BAZ2B: variants seen among roughly 807,000 people sequenced by gnomAD.
BAZ2B encodes the protein bromodomain adjacent to zinc finger domain protein 2B.
Under a neutral mutation model 246.0 loss-of-function variants are expected in BAZ2B, and 91 were observed. The ratio of observed to expected loss-of-function variants is 0.37; its 90% confidence interval spans 0.31 to 0.44. The LOEUF (loss-of-function observed/expected upper bound fraction) is 0.44, where lower values mean the gene tolerates loss of function less well. Ranked by LOEUF, BAZ2B falls within the 20% of genes least tolerant of loss-of-function variation. BAZ2B has a pLI of 1.00. For synonymous variants in BAZ2B, 855 were observed against 860.0 expected (o/e 0.99, Z 0.10); for missense variants, 2,332 against 2,533.7 (o/e 0.92, Z 1.71).
intron 27 of BAZ2B, among the ~76,000 whole-genome samples, chr2:159,367,184 A>G (rs1171223955): frequency 3.3e-5 from 5 of 152,208 alleles, no homozygotes. Flanking sequence ...GACTTGGACT[A>G]ACCTCGAAAT....
chr2:159,383,722 T>C (rs2062279198), intron 23 of BAZ2B, 42 bp from the exon 24 acceptor site: 8 of 1,507,700 alleles, frequency 5.3e-6, no homozygotes, highest in Non-Finnish European at 7.3e-6. Flanking sequence ...AATTAATCAA[T>C]TTATGCAATG....
chr2:159,337,372 C>A lies in BAZ2B; in HGVS notation c.5660+195G>T, dbSNP rs1217478973. 8.8e-6 allele frequency: 12 copies of A among 1,357,756 alleles called. No homozygotes were observed. In the South Asian group the frequency reaches 1.6e-4, roughly 18 times the overall value. The allele number at this position is 1,357,756 out of a possible 1,614,324, so 84.1% of individuals were successfully genotyped here. On this transcript the variant is annotated intron_variant, in intron 32 of 36. Transcript: ENST00000392783. ...ATGATCCGTATGGATCACAGACATA[C>A]AAGAAGATACATAGATAACAGGCAA... is the stretch of plus-strand genomic sequence containing the variant.
the BAZ2B span, among the ~76,000 whole-genome samples, chr2:159,653,414 C>T: frequency 6.6e-6 from 1 of 152,106 alleles, no homozygotes; most frequent in Admixed American, 6.6e-5. Flanking sequence ...TATACCCAAC[C>T]TCACATATGC....
chr2:159,432,991 A>G lies in BAZ2B; in HGVS notation c.1666T>C (p.Ser556Pro), dbSNP rs370624780. 10 of 1,614,064 alleles carry G rather than the reference A, an allele frequency of 6.2e-6. No homozygotes were observed. The African/African-American group carries it at 1.1e-4, about 17-fold the overall frequency. The change falls in exon 9 of 37, where the codon TCT becomes CCT. Residue 556 changes from serine to proline, a missense_variant. Physicochemically the swap from Ser to Pro is moderately conservative, Grantham distance 74 (BLOSUM62 -1). Coordinates refer to ENST00000392783, the MANE Select transcript of BAZ2B (RefSeq NM_013450.4). The part of the protein sequence containing the change: ...GNQTPVMPSA[S>P]PILHSQGKEK... ...TTCCCTTGACTATGCAGGATGGGAGAGGCAGAGGGCATTACAGGTGTCTGA... is the reference window on the plus strand; with the variant it reads ...TTCCCTTGACTATGCAGGATGGGAGGGGCAGAGGGCATTACAGGTGTCTGA...
chr2:159,350,434 T>C (rs2058429032), intron 27 of BAZ2B, 77 bp from the exon 28 acceptor site: 2 of 1,274,646 alleles, frequency 1.6e-6, no homozygotes, highest in South Asian at 1.7e-5. Context: ...CATTACTCTT[T>C]ATCAAATTAT....
chr2:159,522,609 C>A (rs1289187870), intron 2 of BAZ2B, among the ~76,000 whole-genome samples: 2 of 152,150 alleles, frequency 1.3e-5, no homozygotes, highest in Admixed American at 6.6e-5. Context: ...AACAATTAGA[C>A]GTTCCTTATT....
intron 8 of BAZ2B, among the ~76,000 whole-genome samples, chr2:159,436,322 G>T (rs183247791): frequency 8.5e-4 from 130 of 152,246 alleles, no homozygotes; most frequent in African/African-American, 2.8e-3. Context: ...AATAGCCAAA[G>T]ATTTCTATAT....
At chr2:159,656,361 T>A in the BAZ2B span, among the ~76,000 whole-genome samples, 1 of 152,110 alleles carries the variant, frequency 6.6e-6, no homozygotes, top group African/African-American at 2.4e-5. Context: ...ACAGATTACA[T>A]TGGGGGTATG....
At position 159,400,610 on chromosome 2, in the gene BAZ2B, G is replaced by A. The variant is rs1346286276; in HGVS notation, c.2887C>T (p.Gln963Ter). Residue 963 changes from glutamine to a stop codon, truncating the protein, a stop_gained, in exon 17 of 37, where the codon CAA becomes TAA. Transcript: ENST00000392783. LOFTEE classifies it high-confidence loss of function. ...TTTAAGACTTCTACCTCTAGAATTTGCTGAGCTCGAAGTTCTTTTTCCATT... is the reference window on the plus strand; with the variant it reads ...TTTAAGACTTCTACCTCTAGAATTTACTGAGCTCGAAGTTCTTTTTCCATT... The part of the protein sequence containing the change: ...IRMEKELRAQ[Q>*]ILEAKKKKKE... The A allele has an allele frequency of 6.4e-7, 1 of 1,566,736 alleles. No homozygotes were observed. Among genetic ancestry groups the A allele is most frequent in the Non-Finnish European group, 8.7e-7 (1 of 1,144,854 alleles).
At chr2:159,346,426 C>T (rs1428298122) in intron 31 of BAZ2B, among the ~76,000 whole-genome samples, 1 of 152,108 alleles carries the variant, frequency 6.6e-6, no homozygotes, top group South Asian at 2.1e-4. Flanking sequence ...AGATTCTAGC[C>T]AGGCACAGTG....
At chr2:159,474,954 G>C (rs1471340377) in intron 3 of BAZ2B, among the ~76,000 whole-genome samples, 1 of 152,120 alleles carries the variant, frequency 6.6e-6, no homozygotes, top group African/African-American at 2.4e-5. Flanking sequence ...TCCCTTTGTG[G>C]GTAACCCGAC....
chr2:159,628,337 A>G, the BAZ2B span, among the ~76,000 whole-genome samples: 2 of 152,232 alleles, frequency 1.3e-5, no homozygotes, highest in Admixed American at 1.3e-4. Context: ...TTCATATGGA[A>G]CCAAAAATGA....
chr2:159,438,800 T>C, intron 7 of BAZ2B, 105 bp from the exon 8 acceptor site: 1 of 1,337,312 alleles, frequency 7.5e-7, no homozygotes, highest in South Asian at 1.4e-5. Context: ...GTGTTCTTAA[T>C]GCCTTATGAT....
In BAZ2B at chr2:159,349,298, T is replaced by G; in HGVS notation, c.4864-18A>C. On this transcript the variant is annotated intron_variant, in intron 28 of 36. Transcript: ENST00000392783. ...CCTTTCACCTGCAAAAAGAAAACAT[T>G]TATTAATGAAAAGTAGATTACTCTA... 6.4e-7 allele frequency: 1 copy of G among 1,567,976 alleles called. No individual in the cohort carries two copies. Among genetic ancestry groups the G allele is most frequent in the South Asian group, 1.2e-5 (1 of 83,352 alleles).
chr2:159,412,400 T>C lies in BAZ2B; in HGVS notation c.2612A>G (p.Asn871Ser). 3.1e-6 allele frequency: 5 copies of C among 1,614,128 alleles called. No individual in the cohort carries two copies. Among genetic ancestry groups the C allele is most frequent in the African/African-American group, 1.3e-5 (1 of 75,044 alleles). The change falls in exon 14 of 37, where the codon AAT becomes AGT. Residue 871 changes from asparagine to serine, a missense_variant. This residue lies in a region of BAZ2B where 651 missense variants were observed against 650.9 expected (regional missense o/e 1.00). Coordinates refer to ENST00000392783, the MANE Select transcript of BAZ2B (RefSeq NM_013450.4). The stretch of plus-strand genomic sequence containing the variant: ...ATCTAGGAATTCAGCATTGCCAACA[T>C]TTGGAGGTCGACCTTTCCGACGTCT... ...RMRRRKGRPP[N>S]VGNAEFLDNA...
At chr2:159,385,449 T>C (rs1576390102) in intron 22 of BAZ2B, 80 bp from the exon 23 acceptor site, 1 of 1,291,626 alleles carries the variant, frequency 7.7e-7, no homozygotes, top group South Asian at 1.4e-5. Flanking sequence ...AATCCTCATA[T>C]TATTTGATTT....
chr2:159,425,663 C>T (rs1403237711), intron 13 of BAZ2B, among the ~76,000 whole-genome samples: 1 of 152,188 alleles, frequency 6.6e-6, no homozygotes, highest in Non-Finnish European at 1.5e-5. Flanking sequence ...ACCACTTACA[C>T]AATTTGCATA....
chr2:159,683,526 T>C, the BAZ2B span, among the ~76,000 whole-genome samples: 2 of 152,242 alleles, frequency 1.3e-5, no homozygotes, highest in Admixed American at 6.5e-5. Context: ...CCCTTTGTAG[T>C]TGGGTTAGTT....
chr2:159,661,632 T>C, the BAZ2B span, among the ~76,000 whole-genome samples: 1 of 152,244 alleles, frequency 6.6e-6, no homozygotes, highest in African/African-American at 2.4e-5. Flanking sequence ...TTATTTCATC[T>C]ATTTGATGTG....
Sources: allele counts gnomAD v4.1 joint callset (sites outside exome capture counted in the v4.1 genomes callset), GRCh38; gene constraint gnomAD v4.1.1; regional missense constraint gnomAD v4.1.1; transcripts MANE v1.5; gene names NCBI Gene and HGNC (gene_info 2026-07-23, HGNC 2026-07-21).